The following BMAL1 variants were observed in gnomAD, a reference collection of about 807,000 sequenced individuals.
BMAL1 encodes basic helix-loop-helix ARNT like 1, also known as basic helix-loop-helix ARNT-like protein 1.
chr11:13,370,573 G>A, the BMAL1 span, among the ~76,000 whole-genome samples: 10 of 152,076 alleles, frequency 6.6e-5, no homozygotes, highest in Non-Finnish European at 1.5e-4. Context: ...CTTCAATCCC[G>A]TTAGTTATGA....
chr11:13,331,645 A>C, the BMAL1 span, among the ~76,000 whole-genome samples: 1 of 152,146 alleles, frequency 6.6e-6, no homozygotes, highest in African/African-American at 2.4e-5. Context: ...CTGGTAGAAG[A>C]ATAATAACTG....
the BMAL1 span, among the ~76,000 whole-genome samples, chr11:13,350,509 C>T: frequency 1.3e-5 from 2 of 152,134 alleles, no homozygotes; most frequent in Non-Finnish European, 2.9e-5. Flanking sequence ...AAAATGTATT[C>T]TAAAGCACAG....
the BMAL1 span, among the ~76,000 whole-genome samples, chr11:13,318,549 T>G: frequency 3.4e-5 from 5 of 147,338 alleles, 1 homozygote; most frequent in South Asian, 8.7e-4. Context: ...ACTTAGTTTT[T>G]TTTTTTTTTT....
the BMAL1 span, among the ~76,000 whole-genome samples, chr11:13,335,433 C>T: frequency 1.3e-5 from 2 of 152,128 alleles, no homozygotes; most frequent in African/African-American, 4.8e-5. Flanking sequence ...ACTTCGCGCC[C>T]CCTATAGGAC....
chr11:13,279,730 A>G, the BMAL1 span, among the ~76,000 whole-genome samples: 1 of 152,244 alleles, frequency 6.6e-6, no homozygotes, highest in Non-Finnish European at 1.5e-5. Flanking sequence ...GAACATATTT[A>G]GAAGGTTTGG....
At chr11:13,334,080 A>C in the BMAL1 span, among the ~76,000 whole-genome samples, 1 of 152,138 alleles carries the variant, frequency 6.6e-6, no homozygotes. Flanking sequence ...TTATGACTCA[A>C]AATCACCATA....
the BMAL1 span, among the ~76,000 whole-genome samples, chr11:13,366,144 C>G: frequency 6.6e-6 from 1 of 152,168 alleles, no homozygotes; most frequent in Non-Finnish European, 1.5e-5. Context: ...TGCATGGAAG[C>G]TTGGTAGGCA....
At chr11:13,364,491 G>C in the BMAL1 span, among the ~76,000 whole-genome samples, 2 of 152,236 alleles carry the variant, frequency 1.3e-5, no homozygotes, top group African/African-American at 2.4e-5. Context: ...TTTCCAAAGA[G>C]CAGATTAAGG....
At chr11:13,331,568 C>T in the BMAL1 span, among the ~76,000 whole-genome samples, 1 of 152,198 alleles carries the variant, frequency 6.6e-6, no homozygotes, top group Non-Finnish European at 1.5e-5. Flanking sequence ...CCTGGAGTAC[C>T]CTGCCCTTTT....
the BMAL1 span, chr11:13,378,475 A>G: frequency 6.3e-7 from 1 of 1,594,188 alleles, no homozygotes; most frequent in Non-Finnish European, 8.5e-7. Context: ...TCCTCTGTTA[A>G]ACCAGTGGTT....
At chr11:13,364,218 C>T in the BMAL1 span, among the ~76,000 whole-genome samples, 1 of 152,206 alleles carries the variant, frequency 6.6e-6, no homozygotes, top group East Asian at 1.9e-4. Flanking sequence ...AGTTACTTCC[C>T]CCTCACTGTC....
At chr11:13,371,369 GC>G in the BMAL1 span, among the ~76,000 whole-genome samples, 1 of 152,064 alleles carries the variant, frequency 6.6e-6, no homozygotes, top group Non-Finnish European at 1.5e-5. Context: ...TTTCCCTTAA[GC>G]CTGATATTCA....
chr11:13,276,935 T>C, the BMAL1 span: 4 of 152,250 alleles, frequency 2.6e-5, no homozygotes, highest in Admixed American at 6.5e-5. Context: ...GGCTGGTGTC[T>C]ACTCTTCAGT....
chr11:13,307,131 G>A, the BMAL1 span, among the ~76,000 whole-genome samples: 3 of 152,176 alleles, frequency 2.0e-5, no homozygotes, highest in African/African-American at 7.2e-5. Context: ...TCTTTTAAAG[G>A]AGAAGGCAGA....
chr11:13,366,569 C>T, the BMAL1 span: 1 of 1,142,400 alleles, frequency 8.8e-7, no homozygotes, highest in Non-Finnish European at 1.3e-6. Context: ...TGCACAAAAA[C>T]ACAAAGGCAA....
the BMAL1 span, among the ~76,000 whole-genome samples, chr11:13,314,580 T>C: frequency 1.3e-5 from 2 of 152,164 alleles, no homozygotes; most frequent in African/African-American, 4.8e-5. Flanking sequence ...TTTTTAGCTC[T>C]TGTTTTTGAT....
chr11:13,354,500 G>C, the BMAL1 span: 1 of 1,590,824 alleles, frequency 6.3e-7, no homozygotes, highest in South Asian at 1.1e-5. Flanking sequence ...GTCAGTTCTC[G>C]GGCATGGAAC....
chr11:13,278,167 G>A, the BMAL1 span, among the ~76,000 whole-genome samples: 1 of 152,310 alleles, frequency 6.6e-6, no homozygotes, highest in East Asian at 1.9e-4. Context: ...TCCTCCTCGC[G>A]GGGGCTGCCG....
At chr11:13,365,949 A>G in the BMAL1 span, among the ~76,000 whole-genome samples, 1 of 152,226 alleles carries the variant, frequency 6.6e-6, no homozygotes, top group Non-Finnish European at 1.5e-5. Flanking sequence ...AATCCACTCC[A>G]TACTGTGTTT....
Sources: gnomAD v4.1 joint callset for allele counts (sites outside exome capture counted in the v4.1 genomes callset) on GRCh38, gnomAD v4.1.1 for gene constraint, MANE v1.5 for transcripts, NCBI Gene and HGNC (gene_info 2026-07-23, HGNC 2026-07-21) for gene names.